The following PTCSC3 variants were observed in gnomAD, a reference collection of about 807,000 sequenced individuals.
PTCSC3 encodes papillary thyroid carcinoma susceptibility candidate 3, also known as papillary thyroid carcinoma susceptibility candidate 3 (non-protein coding).
intron 2 of PTCSC3, among the ~76,000 whole-genome samples, chr14:36,157,495 AT>A (rs1368893478): frequency 6.6e-6 from 1 of 151,890 alleles, no homozygotes; most frequent in Non-Finnish European, 1.5e-5. Flanking sequence ...CCTGAGTGGT[AT>A]TGCCTAGGTT....
At chr14:36,145,603 A>C (rs1881544665) in intron 3 of PTCSC3, among the ~76,000 whole-genome samples, 1 of 104,912 alleles carries the variant, frequency 9.5e-6, no homozygotes. Context: ...GATCCTTTCA[A>C]AAAACCAGCT....
intron 3 of PTCSC3, among the ~76,000 whole-genome samples, chr14:36,141,090 T>A (rs573944446): frequency 1.3e-5 from 2 of 152,324 alleles, no homozygotes; most frequent in African/African-American, 4.8e-5. Flanking sequence ...TAAGTGTAAA[T>A]CAATTTGTCT....
intron 1 of PTCSC3, among the ~76,000 whole-genome samples, chr14:36,167,869 C>T (rs572384720): frequency 2.2e-4 from 33 of 152,232 alleles, no homozygotes; most frequent in African/African-American, 6.7e-4. Context: ...CAGTGCTTAA[C>T]GTTCTGTAGA....
At chr14:36,135,649 T>C (rs1464677493), downstream of PTCSC3, among the ~76,000 whole-genome samples, 3 of 152,194 alleles carry the variant, frequency 2.0e-5, no homozygotes, top group African/African-American at 7.2e-5. Flanking sequence ...GCTTTAGTAA[T>C]AACTTTGGAT....
downstream of PTCSC3, among the ~76,000 whole-genome samples, chr14:36,135,919 A>ATG (rs1390673373): frequency 2.1e-5 from 3 of 144,278 alleles, no homozygotes; most frequent in Non-Finnish European, 3.1e-5. Context: ...GTGTGTGTAT[A>ATG]TGTGTGTGTG....
Position 36,151,349 on chromosome 14 carries a change from T to A in PTCSC3, n.322+2455A>T, listed in dbSNP as rs534724787. 5.3e-5 allele frequency among the ~76,000 whole-genome samples: 8 copies of A among 152,224 alleles called. No homozygotes were observed. In the East Asian group the frequency reaches 1.5e-3, roughly 29 times the overall value. On this transcript the variant is annotated intron_variant and non_coding_transcript_variant, in intron 3 of 3. Coordinates refer to ENST00000556013, the Ensembl canonical transcript of PTCSC3. ...TTTTTGGTTTCCTACAGTTGGGATA[T>A]CATATGCCTAAATTTTGGGTATTCG...
intron 3 of PTCSC3, among the ~76,000 whole-genome samples, chr14:36,138,899 C>T (rs371337800): frequency 3.3e-5 from 5 of 152,056 alleles, no homozygotes; most frequent in African/African-American, 1.2e-4. Flanking sequence ...GCAGGCGGAT[C>T]ACGAGGAGTT....
chr14:36,136,220 A>G (rs1229445395), exon 4 of PTCSC3: 1 of 152,066 alleles, frequency 6.6e-6, no homozygotes, highest in Non-Finnish European at 1.5e-5. Flanking sequence ...TTCCCAGCCC[A>G]CTGACTCAAA....
At position 36,143,847 on chromosome 14, in the gene PTCSC3, G is replaced by T. The variant is rs530273806; in HGVS notation, n.323-7491C>A. ...AATTGATTTTTGTATAAGGTGTAAG[G>T]AAGGGATCCAGTTTCAGCTTTCTAC... is the stretch of plus-strand genomic sequence containing the variant. On this transcript the variant is annotated intron_variant and non_coding_transcript_variant, in intron 3 of 3. Coordinates refer to ENST00000556013, the Ensembl canonical transcript of PTCSC3. Among the ~76,000 whole-genome samples the T allele has an allele frequency of 2.3e-3, 343 of 147,142 alleles. 1 individual carries two copies. Among genetic ancestry groups the T allele is most frequent in the Middle Eastern group, 0.01 (3 of 288 alleles).
At chr14:36,172,215 T>TATAGA (rs1354789081) in intron 1 of PTCSC3, among the ~76,000 whole-genome samples, 27 of 152,150 alleles carry the variant, frequency 1.8e-4, no homozygotes, top group African/African-American at 6.5e-4. Flanking sequence ...TATTAAAAAC[T>TATAGA]ATAGAAGGTT....
chr14:36,146,024 A>G (rs1189541076), intron 3 of PTCSC3, among the ~76,000 whole-genome samples: 6 of 151,840 alleles, frequency 4.0e-5, no homozygotes, highest in Non-Finnish European at 7.4e-5. Context: ...GTGGTCTGAG[A>G]GATAGTTTGT....
At chr14:36,158,585 G>T (rs1374994114) in intron 2 of PTCSC3, among the ~76,000 whole-genome samples, 2 of 152,180 alleles carry the variant, frequency 1.3e-5, no homozygotes, top group Non-Finnish European at 2.9e-5. Context: ...AACCAGCCTT[G>T]CATCCCAGGG....
chr14:36,174,471 T>C (rs1036270325), intron 1 of PTCSC3, among the ~76,000 whole-genome samples: 1 of 152,164 alleles, frequency 6.6e-6, no homozygotes, highest in African/African-American at 2.4e-5. Context: ...TATTTTTGAG[T>C]CTTTTAATGT....
chr14:36,158,955 T>G (rs1354494905), intron 2 of PTCSC3, among the ~76,000 whole-genome samples: 1 of 152,184 alleles, frequency 6.6e-6, no homozygotes, highest in Admixed American at 6.5e-5. Context: ...TATTCAGGGA[T>G]TCAACTTCTT....
intron 3 of PTCSC3, among the ~76,000 whole-genome samples, chr14:36,137,082 A>C (rs1238657885): frequency 1.3e-5 from 2 of 152,184 alleles, no homozygotes; most frequent in South Asian, 4.1e-4. Flanking sequence ...AAGGTAGAAA[A>C]TGGATGGTGC....
intron 3 of PTCSC3, among the ~76,000 whole-genome samples, chr14:36,153,187 C>T (rs1340254714): frequency 1.3e-5 from 2 of 152,200 alleles, no homozygotes; most frequent in African/African-American, 4.8e-5. Context: ...TCTCCCTCGT[C>T]TCTTCTTATA....
At chr14:36,151,225 G>C (rs752650451) in intron 3 of PTCSC3, among the ~76,000 whole-genome samples, 5 of 151,882 alleles carry the variant, frequency 3.3e-5, no homozygotes, top group Non-Finnish European at 7.4e-5. Context: ...TGCTTGCATG[G>C]TTTCTGAAGA....
At chr14:36,157,951 T>C (rs1197408403) in intron 2 of PTCSC3, among the ~76,000 whole-genome samples, 1 of 152,212 alleles carries the variant, frequency 6.6e-6, no homozygotes, top group Non-Finnish European at 1.5e-5. Flanking sequence ...GGTTTGTAGT[T>C]CTCCTTGAAG....
At chr14:36,168,767 C>A (rs1882142085) in intron 1 of PTCSC3, among the ~76,000 whole-genome samples, 1 of 152,040 alleles carries the variant, frequency 6.6e-6, no homozygotes, top group Non-Finnish European at 1.5e-5. Context: ...AAGTACCTGA[C>A]ACTATGCCTG....
Sources: allele counts gnomAD v4.1 joint callset (sites outside exome capture counted in the v4.1 genomes callset), GRCh38; gene constraint gnomAD v4.1.1; transcripts MANE v1.5; gene names NCBI Gene and HGNC (gene_info 2026-07-23, HGNC 2026-07-21).